Variants in DLEC1 observed in about 807,000 individuals in gnomAD.
DLEC1 encodes deleted in lung and esophageal cancer protein 1.
A neutral mutation model predicts 198.1 loss-of-function variants in DLEC1; 146 were observed. That is an observed-to-expected ratio of 0.74 (90% CI 0.64 to 0.85). The LOEUF (loss-of-function observed/expected upper bound fraction) is 0.85, where lower values mean the gene tolerates loss of function less well. DLEC1 is among the 40% of genes least tolerant of loss of function. The pLI is 0.00. For missense variants in DLEC1, 2,233 were observed against 2,220.0 expected, an observed-to-expected ratio of 1.01 and a Z score of -0.12; for synonymous variants, 897 against 866.8, an observed-to-expected ratio of 1.03 and a Z score of -0.61.
In DLEC1 at chr3:38,110,416, T is replaced by C. The variant is rs1164966368; in HGVS notation, c.3443+135T>C. ...GAGTGTGTGTTTTTACAGGTAGACATGGGGACAGGCAGAGAGGAAATGGCT... is the reference window on the plus strand; with the variant it reads ...GAGTGTGTGTTTTTACAGGTAGACACGGGGACAGGCAGAGAGGAAATGGCT... On this transcript the variant is annotated intron_variant, in intron 23 of 36. Coordinates refer to ENST00000308059, the MANE Select transcript of DLEC1 (RefSeq NM_007335.4). 16 of 1,112,738 alleles carry C rather than the reference T, an allele frequency of 1.4e-5. No individual in the cohort carries two copies. In the Admixed American group the frequency reaches 2.0e-4, roughly 14 times the overall value. The allele number at this position is 1,112,738 out of a possible 1,614,324, so 68.9% of individuals were successfully genotyped here. A position where few individuals can be genotyped will look rare whatever the true frequency, so the allele number is the denominator to read the frequency against.
At position 38,097,537 on chromosome 3, in the gene DLEC1, A is replaced by G. The variant is rs1699090129; in HGVS notation, c.2465A>G (p.Asn822Ser). The G allele has an allele frequency of 1.2e-6, 2 of 1,614,102 alleles. No individual in the cohort carries two copies. The highest frequency in any genetic ancestry group is 1.7e-6 in the Non-Finnish European group (2 of 1,180,010). ...EPSEVGDFELNFTGGVPGPTS... is the reference protein window; with the variant it reads ...EPSEVGDFELSFTGGVPGPTS... Reference sequence around the variant, plus strand: ...AGTGAGGTCGGGGATTTTGAGTTGAACTTTACTGGGGGTGTCCCTGGCCCC... The same window carrying G: ...AGTGAGGTCGGGGATTTTGAGTTGAGCTTTACTGGGGGTGTCCCTGGCCCC... The change falls in exon 17 of 37, where the codon AAC becomes AGC. Residue 822 changes from asparagine (N) to serine (S), a missense_variant. Asn to Ser is a conservative substitution (Grantham distance 46, BLOSUM62 1). Transcript: ENST00000308059.
At chr3:38,082,750 A>ACT (rs1698119436) in intron 6 of DLEC1, among the ~76,000 whole-genome samples, 1 of 150,646 alleles carries the variant, frequency 6.6e-6, no homozygotes, top group African/African-American at 2.4e-5. Flanking sequence ...AGGGGTAGAG[A>ACT]CATGGAGAGA....
At chr3:38,096,799 T>A in intron 15 of DLEC1, 62 bp downstream of exon 15, 9 of 1,520,180 alleles carry the variant, frequency 5.9e-6, no homozygotes, top group Non-Finnish European at 7.9e-6. Context: ...AGTGCAAGTG[T>A]AGGGAGGATA....
chr3:38,116,687 CTGGCCACTGA>C lies in DLEC1; in HGVS notation c.4062+30_4062+39del, dbSNP rs1559464709. The C allele has an allele frequency of 1.9e-6, 3 of 1,612,470 alleles. No homozygotes were observed. The Admixed American group carries it at 5.0e-5, about 27-fold the overall frequency. On this transcript the variant is annotated intron_variant, in intron 28 of 36. Coordinates refer to ENST00000308059, the MANE Select transcript of DLEC1 (RefSeq NM_007335.4). Reference sequence around the variant, plus strand: ...AGCAGGGGTGGAGGGGCGGGGCAGGCTGGCCACTGAGGGCCACTGAGGTGTGGCCAGTAGG... The same window carrying C: ...AGCAGGGGTGGAGGGGCGGGGCAGGCGGGCCACTGAGGTGTGGCCAGTAGG...
At chr3:38,080,259 T>A (rs1237991559) in intron 6 of DLEC1, among the ~76,000 whole-genome samples, 2 of 151,924 alleles carry the variant, frequency 1.3e-5, no homozygotes, top group Non-Finnish European at 2.9e-5. Flanking sequence ...GGGGAGGTGA[T>A]AAAAGGATTA....
chr3:38,098,726 A>G (rs911842519), intron 18 of DLEC1, among the ~76,000 whole-genome samples: 3 of 152,136 alleles, frequency 2.0e-5, no homozygotes, highest in East Asian at 3.9e-4. Flanking sequence ...CAAGCCATGC[A>G]TATACCTTAT....
At position 38,095,930 on chromosome 3, in the gene DLEC1, G is replaced by C; in HGVS notation, c.2155G>C (p.Val719Leu). ...HSVLQMVLEEVPEPVSSEAES... is the reference protein window; with the variant it reads ...HSVLQMVLEELPEPVSSEAES... ...TGTGCTCCAGATGGTGCTAGAGGAA[G>C]TCCCAGAGCCTGTAAGGTGAGAGAA... The change falls in exon 14 of 37, where the codon GTC (valine) becomes CTC (leucine). Residue 719 changes from valine to leucine, a missense_variant. Physicochemically the swap from Val to Leu is conservative, Grantham distance 32. Coordinates refer to ENST00000308059, the MANE Select transcript of DLEC1 (RefSeq NM_007335.4). The C allele has an allele frequency of 6.2e-7, 1 of 1,613,834 alleles. No individual in the cohort carries two copies. The highest frequency in any genetic ancestry group is 8.5e-7 in the Non-Finnish European group (1 of 1,180,028).
rs1237830491 is a variant in DLEC1, at chr3:38,064,787, C to T, written c.1173+868C>T. Reference sequence around the variant, plus strand: ...CCCCACATCCCAGACGATGGGCGGCCGGGCAGAGACGCTCCTCACTTCCTA... The same window carrying T: ...CCCCACATCCCAGACGATGGGCGGCTGGGCAGAGACGCTCCTCACTTCCTA... On this transcript the variant is annotated intron_variant, in intron 6 of 36. Transcript: ENST00000308059. 4.0e-4 allele frequency among the ~76,000 whole-genome samples: 60 copies of T among 151,482 alleles called. No homozygotes were observed. In the South Asian group the frequency reaches 5.6e-3, roughly 14 times the overall value.
In DLEC1 at chr3:38,123,404, C is replaced by G. The variant is rs932615486; in HGVS notation, c.*992C>G. 20 of 363,302 alleles carry G rather than the reference C, an allele frequency of 5.5e-5. No individual in the cohort carries two copies. The highest frequency in any genetic ancestry group is 2.5e-5 in the Non-Finnish European group (5 of 198,986). 22.5% of individuals were successfully genotyped at this position (363,302 alleles called of 1,614,324 possible). ...TGTGCATGTTCCCCTCCCCAGGGAT[C>G]GATCATAATCCCAAAAGACACAATC... On this transcript the variant is annotated 3_prime_UTR_variant, in exon 37 of 37. Coordinates refer to ENST00000308059, the MANE Select transcript of DLEC1 (RefSeq NM_007335.4).
chr3:38,042,676 C>G (rs1183052803), intron 1 of DLEC1, among the ~76,000 whole-genome samples: 1 of 151,728 alleles, frequency 6.6e-6, no homozygotes, highest in Non-Finnish European at 1.5e-5. Context: ...CTGCCTCAGC[C>G]TCCCAAGTAG....
chr3:38,106,885 A>G (rs564167645), intron 19 of DLEC1, among the ~76,000 whole-genome samples: 2 of 152,192 alleles, frequency 1.3e-5, no homozygotes, highest in South Asian at 4.1e-4. Context: ...AAATACCTTC[A>G]GCCGTTCAGA....
intron 2 of DLEC1, among the ~76,000 whole-genome samples, chr3:38,057,669 C>T (rs989160759): frequency 6.6e-6 from 1 of 152,124 alleles, no homozygotes; most frequent in African/African-American, 2.4e-5. Flanking sequence ...AAAATATAAA[C>T]GTGCATGGGG....
Position 38,066,535 on chromosome 3 carries a change from C to T in DLEC1, c.1173+2616C>T, listed in dbSNP as rs576083175. 9.2e-5 allele frequency among the ~76,000 whole-genome samples: 14 copies of T among 152,272 alleles called. No individual in the cohort carries two copies. The South Asian group carries it at 2.9e-3, about 32-fold the overall frequency. On this transcript the variant is annotated intron_variant, in intron 6 of 36. Transcript: ENST00000308059. ...GTCCTCTACATCTTAACAGTATATC[C>T]AGTAATTCCTGCAAGAGCAGAGGCT... is the stretch of plus-strand genomic sequence containing the variant.
chr3:38,066,745 A>G (rs775248673), intron 6 of DLEC1, among the ~76,000 whole-genome samples: 1 of 152,266 alleles, frequency 6.6e-6, no homozygotes, highest in Non-Finnish European at 1.5e-5. Context: ...GCACTTGCCT[A>G]TCCATAATTC....
At chr3:38,053,064 T>G (rs534025533) in intron 2 of DLEC1, among the ~76,000 whole-genome samples, 49 of 152,350 alleles carry the variant, frequency 3.2e-4, no homozygotes, top group African/African-American at 1.2e-3. Context: ...GGTGCCGGGA[T>G]TGTAGACGGA....
intron 5 of DLEC1, 142 bp from the exon 6 acceptor site, chr3:38,063,699 A>C: frequency 1.7e-6 from 1 of 590,006 alleles, no homozygotes; most frequent in Non-Finnish European, 2.9e-6. Flanking sequence ...AATAAGATCC[A>C]AAAACCCCCC....
In DLEC1 at chr3:38,122,401, C is replaced by T; in HGVS notation, c.5257C>T (p.His1753Tyr). Residue 1753 changes from histidine (H) to tyrosine (Y), a missense_variant, in exon 37 of 37, where the codon CAC (histidine) becomes TAC (tyrosine). Coordinates refer to ENST00000308059, the MANE Select transcript of DLEC1 (RefSeq NM_007335.4). ...CTATGATGAGAGATACATGTTGCCT[C>T]ACCAGCCCTGAGGCTCCGCCCCAGC... ...GSYDERYMLPHQP is the reference protein window; with the variant it reads ...GSYDERYMLPYQP The T allele has an allele frequency of 6.2e-7, 1 of 1,614,190 alleles. No homozygotes were observed. Among genetic ancestry groups the T allele is most frequent in the Non-Finnish European group, 8.5e-7 (1 of 1,180,028 alleles).
intron 6 of DLEC1, among the ~76,000 whole-genome samples, chr3:38,070,574 G>A (rs958285064): frequency 2.6e-5 from 4 of 152,182 alleles, no homozygotes; most frequent in African/African-American, 2.4e-5. Context: ...GGGTGCAGGC[G>A]AGCTGCGTCC....
At chr3:38,068,421 G>T (rs1315796786) in intron 6 of DLEC1, among the ~76,000 whole-genome samples, 1 of 151,950 alleles carries the variant, frequency 6.6e-6, no homozygotes, top group Non-Finnish European at 1.5e-5. Context: ...TGTATAGACG[G>T]GTTTTTGCTA....
Sources: allele counts gnomAD v4.1 joint callset (sites outside exome capture counted in the v4.1 genomes callset), GRCh38; gene constraint gnomAD v4.1.1; transcripts MANE v1.5; gene names NCBI Gene and HGNC (gene_info 2026-07-23, HGNC 2026-07-21).